The following FMO5 variants were observed in gnomAD, a reference collection of about 807,000 sequenced individuals.
FMO5 encodes the protein flavin-containing monooxygenase 5.
FMO5 carries 51 observed loss-of-function variants against 43.6 expected under a neutral mutation model. That is an observed-to-expected ratio of 1.17 (90% CI 0.93 to 1.48). The LOEUF (loss-of-function observed/expected upper bound fraction) is 1.48. Ranked by LOEUF, FMO5 falls within the 40% of genes most tolerant of loss-of-function variation. FMO5 has a pLI of 0.00. For synonymous variants in FMO5, 187 were observed against 216.5 expected, an observed-to-expected ratio of 0.86 and a Z score of 1.20; for missense variants, 644 against 643.0, an observed-to-expected ratio of 1.00 and a Z score of -0.02.
chr1:147,198,658 G>T (rs587712122), intron 7 of FMO5, among the ~76,000 whole-genome samples: 1 of 152,058 alleles, frequency 6.6e-6, no homozygotes, highest in South Asian at 2.1e-4. Context: ...AGACCATCCT[G>T]GCTAACATGG....
intron 4 of FMO5, 53 bp downstream of exon 4, chr1:147,213,255 G>A: frequency 7.1e-7 from 1 of 1,416,984 alleles, no homozygotes; most frequent in Non-Finnish European, 9.5e-7. Flanking sequence ...CATTCCTCAG[G>A]GGTCAGGTCA....
chr1:147,196,996 A>G (rs781907468), intron 7 of FMO5, among the ~76,000 whole-genome samples: 38 of 152,090 alleles, frequency 2.5e-4, no homozygotes, highest in Admixed American at 1.0e-3. Flanking sequence ...CCTCTCTAAC[A>G]TATCTTCTAA....
chr1:147,224,825 A>G (rs1663734616), intron 2 of FMO5, 70 bp downstream of exon 2: 16 of 1,499,810 alleles, frequency 1.1e-5, no homozygotes, highest in African/African-American at 2.8e-5. Context: ...GACACTGTTA[A>G]GATAAACTGT....
chr1:147,201,349 G>A lies in FMO5; in HGVS notation c.986C>T (p.Ala329Val), dbSNP rs1553920903. 1.2e-6 allele frequency: 2 copies of A among 1,614,130 alleles called. No individual in the cohort carries two copies. The highest frequency in any genetic ancestry group is 8.5e-7 in the Non-Finnish European group (1 of 1,180,008). Residue 329 changes from alanine to valine, a missense_variant, in exon 7 of 9, where the codon GCC becomes GTC. Coordinates refer to ENST00000254090, the MANE Select transcript of FMO5 (RefSeq NM_001461.4). The part of the protein sequence containing the change: ...REDDIDAVIF[A>V]TGYSFDFPFL... ...TGGAAAGTCAAAGCTATAGCCTGTG[G>A]CAAAGATAACAGCATCAATGTCATC...
At chr1:147,223,112 T>G (rs1663344053) in intron 2 of FMO5, among the ~76,000 whole-genome samples, 1 of 152,208 alleles carries the variant, frequency 6.6e-6, no homozygotes, top group Admixed American at 6.5e-5. Context: ...CAGAGAAGCT[T>G]AATGATGTGC....
chr1:147,203,468 C>T, intron 6 of FMO5: 1 of 831,562 alleles, frequency 1.2e-6, no homozygotes, highest in East Asian at 2.4e-5. Flanking sequence ...GCAGGGACTA[C>T]AGCCTCAGTA....
intron 5 of FMO5, 92 bp from the exon 6 acceptor site, chr1:147,209,143 G>C: frequency 3.6e-6 from 4 of 1,096,632 alleles, no homozygotes; most frequent in Non-Finnish European, 5.2e-6. Context: ...TTTCAGGCCC[G>C]GCGCGGTGGC....
At chr1:147,224,621 T>A (rs1663675170) in intron 2 of FMO5, among the ~76,000 whole-genome samples, 1 of 152,088 alleles carries the variant, frequency 6.6e-6, no homozygotes. Context: ...CCCATCCTCC[T>A]GCCTTAGCCT....
intron 7 of FMO5, among the ~76,000 whole-genome samples, chr1:147,192,663 C>T (rs1553918833): frequency 6.6e-6 from 1 of 152,038 alleles, no homozygotes; most frequent in Non-Finnish European, 1.5e-5. Flanking sequence ...ATAGGTAGCT[C>T]TTATTATTTT....
At chr1:147,202,008 ACT>A (rs1415371978) in intron 6 of FMO5, among the ~76,000 whole-genome samples, 1 of 152,096 alleles carries the variant, frequency 6.6e-6, no homozygotes, top group Non-Finnish European at 1.5e-5. Context: ...CTCTCACAAA[ACT>A]CTATGAAGGA....
At chr1:147,207,165 A>G (rs587765057) in intron 6 of FMO5, among the ~76,000 whole-genome samples, 59 of 152,276 alleles carry the variant, frequency 3.9e-4, no homozygotes, top group African/African-American at 1.1e-3. Flanking sequence ...TTTTTCTTAT[A>G]CAATATACAC....
At chr1:147,224,684 G>T (rs1663691381) in intron 2 of FMO5, among the ~76,000 whole-genome samples, 1 of 151,728 alleles carries the variant, frequency 6.6e-6, no homozygotes, top group African/African-American at 2.4e-5. Context: ...TAATTTTTTT[G>T]CATTTTTAGT....
intron 2 of FMO5, chr1:147,223,598 C>A: frequency 6.4e-6 from 1 of 156,846 alleles, no homozygotes; most frequent in South Asian, 1.8e-4. Context: ...GCCCCCGCCC[C>A]TGCTATCAGT....
At chr1:147,214,124 G>A (rs1571357753) in intron 3 of FMO5, among the ~76,000 whole-genome samples, 1 of 152,160 alleles carries the variant, frequency 6.6e-6, no homozygotes, top group South Asian at 2.1e-4. Flanking sequence ...TGCTTCTACG[G>A]GCCCATGACC....
chr1:147,224,830 A>G, intron 2 of FMO5, 65 bp downstream of exon 2: 1 of 1,522,258 alleles, frequency 6.6e-7, no homozygotes, highest in South Asian at 1.1e-5. Context: ...TGTTAAGATA[A>G]ACTGTCGTAT....
chr1:147,201,456 G>C lies in FMO5; in HGVS notation c.879C>G (p.Ile293Met). 6.2e-7 allele frequency: 1 copy of C among 1,614,140 alleles called. No homozygotes were observed. The highest frequency in any genetic ancestry group is 1.1e-5 in the South Asian group (1 of 91,070). The change falls in exon 7 of 9, where the codon ATC becomes ATG. Residue 293 changes from isoleucine (I) to methionine (M), a missense_variant. Transcript: ENST00000254090. The part of the protein sequence containing the change: ...PTLNDDLPNR[I>M]ISGLVKVKGN... ...CTTTCACTTTCACCAAGCCAGAAAT[G>C]ATACGATTTGGCAGGTCATCATTTA...
At chr1:147,218,808 C>T (rs1662476703) in intron 2 of FMO5, among the ~76,000 whole-genome samples, 1 of 152,158 alleles carries the variant, frequency 6.6e-6, no homozygotes, top group Admixed American at 6.5e-5. Flanking sequence ...GTAAATATTA[C>T]TATTTCTTCA....
At chr1:147,208,449 T>TTTC (rs1321915728) in intron 6 of FMO5, 4 of 149,176 alleles carry the variant, frequency 2.7e-5, no homozygotes, top group African/African-American at 9.9e-5. Context: ...CTTTTCTTTT[T>TTTC]TTTTTTTTCT....
Position 147,205,554 on chromosome 1 carries a change from G to A in FMO5, c.830+3298C>T, listed in dbSNP as rs1021353944. On this transcript the variant is annotated intron_variant, in intron 6 of 8. Coordinates refer to ENST00000254090, the MANE Select transcript of FMO5 (RefSeq NM_001461.4). ...TTAAAAAGAAAGCCCATGTCAAAGAGAGAATTATTTCTTATATAGACCAAT... is the reference window on the plus strand; with the variant it reads ...TTAAAAAGAAAGCCCATGTCAAAGAAAGAATTATTTCTTATATAGACCAAT... 2.0e-5 allele frequency among the ~76,000 whole-genome samples: 3 copies of A among 152,134 alleles called. No individual in the cohort carries two copies. In the East Asian group the frequency reaches 5.8e-4, roughly 29 times the overall value.
Sources: gnomAD v4.1 joint callset for allele counts (sites outside exome capture counted in the v4.1 genomes callset) on GRCh38, gnomAD v4.1.1 for gene constraint, MANE v1.5 for transcripts, NCBI Gene and HGNC (gene_info 2026-07-23, HGNC 2026-07-21) for gene names.